The following CDS2 variants were observed in gnomAD, a reference collection of about 807,000 sequenced individuals.
CDS2 encodes the protein phosphatidate cytidylyltransferase 2.
In CDS2, 47 loss-of-function variants were observed where a neutral mutation model predicts 59.0. The ratio of observed to expected loss-of-function variants is 0.80; its 90% CI spans 0.63 to 1.02. The LOEUF is 1.02. Among genes scored for constraint, CDS2 ranks in the 50% least tolerant of loss-of-function variants. The probability of loss-of-function intolerance (pLI) is 0.00; values close to 1 mark genes in which losing one functional copy is unlikely to be tolerated. For synonymous variants in CDS2, 207 were observed against 206.4 expected, an observed-to-expected ratio of 1.00 and a Z score of -0.02; for missense variants, 356 against 558.9, an observed-to-expected ratio of 0.64 and a Z score of 3.66.
chr20:5,128,655 G>A (rs1482973849), intron 1 of CDS2: 2 of 152,132 alleles, frequency 1.3e-5, no homozygotes, highest in Non-Finnish European at 2.9e-5. Flanking sequence ...TTTAGCAGTC[G>A]CTTGCAGAGA....
At chr20:5,187,825 T>C (rs965001805) in intron 10 of CDS2, 2 of 147,216 alleles carry the variant, frequency 1.4e-5, no homozygotes, top group Admixed American at 1.4e-4. Context: ...GAGGATGCAG[T>C]GAGCCAAGAT....
At chr20:5,182,307 C>T in intron 5 of CDS2, 80 bp from the exon 6 acceptor site, 1 of 1,258,720 alleles carries the variant, frequency 7.9e-7, no homozygotes, top group Non-Finnish European at 1.1e-6. Flanking sequence ...AGCCAAAGAA[C>T]CACTTAACAT....
At chr20:5,168,435 AAAAG>A in intron 1 of CDS2, among the ~76,000 whole-genome samples, 1 of 119,048 alleles carries the variant, frequency 8.4e-6, no homozygotes, top group African/African-American at 3.1e-5. Context: ...AAAAAAAAAG[AAAAG>A]AAAAAAAAAA....
chr20:5,161,138 A>G (rs765399967), intron 1 of CDS2, among the ~76,000 whole-genome samples: 2 of 152,214 alleles, frequency 1.3e-5, no homozygotes, highest in Non-Finnish European at 2.9e-5. Context: ...GCTGTTTACT[A>G]TAGCAGCTGC....
rs1449332199 is a variant in CDS2, at chr20:5,186,592, G to A, written c.829-95G>A. Reference sequence around the variant, plus strand: ...ATAGCTCGCAGTTAGCAGGGTACTAGGCACCCTCAGGAACATGGCCAAACC... The same window carrying A: ...ATAGCTCGCAGTTAGCAGGGTACTAAGCACCCTCAGGAACATGGCCAAACC... On this transcript the variant is annotated intron_variant, in intron 9 of 12. Coordinates refer to ENST00000460006, the MANE Select transcript of CDS2 (RefSeq NM_003818.4). The A allele has an allele frequency of 5.7e-6, 7 of 1,228,012 alleles. No homozygotes were observed. The East Asian group carries it at 1.4e-4, about 25-fold the overall frequency. The allele number at this position is 1,228,012 out of a possible 1,614,324, so 76.1% of individuals were successfully genotyped here. A position where few individuals can be genotyped will look rare whatever the true frequency, so the allele number is the denominator to read the frequency against.
intron 1 of CDS2, among the ~76,000 whole-genome samples, chr20:5,167,570 T>C (rs1158476490): frequency 6.6e-6 from 1 of 152,194 alleles, no homozygotes; most frequent in Non-Finnish European, 1.5e-5. Context: ...ATATTTTTTT[T>C]CAGTAGGAAC....
rs2091052099 is a variant in CDS2 at position 5,184,372 on chromosome 20, G to C, written c.672-486G>C. On this transcript the variant is annotated intron_variant, in intron 7 of 12. Transcript: ENST00000460006. This position sits in a 1 kb window ranked among gnomAD's most constrained non-coding sequence, Gnocchi z 4.3. The stretch of plus-strand genomic sequence containing the variant: ...CAAATACAGTCCTGGGGAAAGATAG[G>C]GCCAACTAGAGCTAGTAATAAACAG... Among the ~76,000 whole-genome samples the C allele has an allele frequency of 2.0e-5, 3 of 151,972 alleles. No individual in the cohort carries two copies. The highest frequency in any genetic ancestry group is 1.3e-4 in the Admixed American group (2 of 15,250).
intron 12 of CDS2, 58 bp from the exon 13 acceptor site, chr20:5,190,044 C>A: frequency 6.3e-7 from 1 of 1,589,954 alleles, no homozygotes; most frequent in South Asian, 1.1e-5. Flanking sequence ...CTCAGATAAT[C>A]AGGCCCTGGA....
intron 1 of CDS2, among the ~76,000 whole-genome samples, chr20:5,158,101 A>G (rs2090847638): frequency 6.6e-6 from 1 of 150,988 alleles, no homozygotes; most frequent in Non-Finnish European, 1.5e-5. Context: ...TATGTGGCCC[A>G]AGACAGTTAT....
At chr20:5,167,671 C>A (rs1315447143) in intron 1 of CDS2, among the ~76,000 whole-genome samples, 1 of 152,196 alleles carries the variant, frequency 6.6e-6, no homozygotes, top group Non-Finnish European at 1.5e-5. Context: ...AAACCCATCT[C>A]TGGTAATTTC....
intron 10 of CDS2, among the ~76,000 whole-genome samples, chr20:5,188,232 A>C (rs1261881136): frequency 6.6e-6 from 1 of 152,228 alleles, no homozygotes; most frequent in Non-Finnish European, 1.5e-5. Flanking sequence ...GATCCGTTCA[A>C]GTATAAGATA....
intron 1 of CDS2, among the ~76,000 whole-genome samples, chr20:5,170,878 A>T (rs1348459604): frequency 1.3e-5 from 2 of 152,216 alleles, no homozygotes; most frequent in African/African-American, 4.8e-5. Context: ...GACAAAGGGG[A>T]TATCACCACC....
At chr20:5,135,218 G>A (rs2090639477) in intron 1 of CDS2, among the ~76,000 whole-genome samples, 1 of 152,190 alleles carries the variant, frequency 6.6e-6, no homozygotes, top group South Asian at 2.1e-4. Flanking sequence ...GTGAGCCACC[G>A]TGCCCGGCCA....
chr20:5,179,887 T>G (rs187751214), intron 5 of CDS2, among the ~76,000 whole-genome samples: 5 of 152,250 alleles, frequency 3.3e-5, no homozygotes, highest in African/African-American at 1.2e-4. Context: ...TCAAAGCTAG[T>G]TTGAGGTGCA....
chr20:5,160,691 G>C (rs1409235609), intron 1 of CDS2, among the ~76,000 whole-genome samples: 4 of 151,990 alleles, frequency 2.6e-5, no homozygotes, highest in East Asian at 1.9e-4. Flanking sequence ...ATGAAACTCT[G>C]TACCCATTAA....
Position 5,136,308 on chromosome 20 carries a change from C to T in CDS2, c.57+9159C>T, listed in dbSNP as rs183636190. Among the ~76,000 whole-genome samples the T allele has an allele frequency of 2.2e-4, 34 of 152,282 alleles. No homozygotes were observed. In the East Asian group the frequency reaches 2.5e-3, roughly 11 times the overall value. On this transcript the variant is annotated intron_variant, in intron 1 of 12. Coordinates refer to ENST00000460006, the MANE Select transcript of CDS2 (RefSeq NM_003818.4). ...ACCCTCCTTCAGTTTCTTTCTTCTG[C>T]GATAAAATCCCAGATGACTCGGTTA...
chr20:5,165,364 C>A (rs189271459), intron 1 of CDS2, among the ~76,000 whole-genome samples: 2 of 152,284 alleles, frequency 1.3e-5, no homozygotes, highest in Admixed American at 1.3e-4. Context: ...TGTAGCCCAG[C>A]TACACCTGCC....
At chr20:5,178,422 G>C (rs551964812) in intron 4 of CDS2, among the ~76,000 whole-genome samples, 1 of 152,156 alleles carries the variant, frequency 6.6e-6, no homozygotes, top group Admixed American at 6.5e-5. Flanking sequence ...TGGCAAAGCC[G>C]GAAGAAACCA....
chr20:5,158,137 G>A (rs2090847894), intron 1 of CDS2, among the ~76,000 whole-genome samples: 1 of 149,146 alleles, frequency 6.7e-6, no homozygotes, highest in Admixed American at 6.7e-5. Context: ...GGCCAGGGAA[G>A]CCAAAAGATT....
Sources: allele counts gnomAD v4.1 joint callset (sites outside exome capture counted in the v4.1 genomes callset), GRCh38; gene constraint gnomAD v4.1.1; non-coding constraint Gnocchi (gnomAD v3.1); transcripts MANE v1.5; gene names NCBI Gene and HGNC (gene_info 2026-07-23, HGNC 2026-07-21).